Variants in MTUS2 observed in about 807,000 individuals in gnomAD.
The protein encoded by MTUS2 is microtubule associated scaffold protein 2, also known as microtubule-associated tumor suppressor candidate 2.
In MTUS2, 40 loss-of-function variants were observed where a neutral mutation model predicts 114.1. The observed-to-expected ratio is 0.35, with a 90% CI of 0.27 to 0.46. MTUS2 has a LOEUF of 0.46. Among genes scored for constraint, MTUS2 ranks in the 20% least tolerant of loss-of-function variants. The probability of loss-of-function intolerance (pLI) is 1.00; values close to 1 mark genes in which losing one functional copy is unlikely to be tolerated. For missense variants in MTUS2, 1,679 were observed against 1,705.4 expected, an observed-to-expected ratio of 0.98 and a Z score of 0.27; for synonymous variants, 688 against 672.0, an observed-to-expected ratio of 1.02 and a Z score of -0.37.
intron 2 of MTUS2, among the ~76,000 whole-genome samples, chr13:28,882,843 A>G (rs1199680775): frequency 1.3e-5 from 2 of 152,232 alleles, no homozygotes; most frequent in Non-Finnish European, 2.9e-5. Flanking sequence ...TGCTCTAAAA[A>G]GCAAAAAGAG....
intron 9 of MTUS2, among the ~76,000 whole-genome samples, chr13:29,440,670 T>C (rs1044124445): frequency 3.3e-5 from 5 of 152,188 alleles, no homozygotes; most frequent in African/African-American, 1.2e-4. Context: ...CCATCTGTTA[T>C]TCTCTTTCCC....
At chr13:29,022,962 CAA>C (rs1484228193) in intron 2 of MTUS2, among the ~76,000 whole-genome samples, 8 of 152,118 alleles carry the variant, frequency 5.3e-5, no homozygotes, top group African/African-American at 1.9e-4. Flanking sequence ...AGGTATTAGA[CAA>C]TATTTATTTT....
chr13:29,065,937 C>T (rs1888645568), intron 4 of MTUS2, among the ~76,000 whole-genome samples: 1 of 151,972 alleles, frequency 6.6e-6, no homozygotes, highest in Non-Finnish European at 1.5e-5. Flanking sequence ...ACATGCAAAG[C>T]CCCCTGGGTC....
At chr13:29,336,799 C>G (rs1901087698) in intron 7 of MTUS2, among the ~76,000 whole-genome samples, 2 of 152,232 alleles carry the variant, frequency 1.3e-5, no homozygotes, top group African/African-American at 4.8e-5. Flanking sequence ...TATCTATAAG[C>G]CCCTGATTGT....
At chr13:28,888,754 A>G (rs1181242551) in intron 2 of MTUS2, among the ~76,000 whole-genome samples, 1 of 152,076 alleles carries the variant, frequency 6.6e-6, no homozygotes, top group African/African-American at 2.4e-5. Flanking sequence ...GATGCTGTTG[A>G]TTATTATTCT....
Position 29,129,215 on chromosome 13 carries a change from CG to C in MTUS2, c.2644+28247del, listed in dbSNP as rs1284423996. Among the ~76,000 whole-genome samples, 18 of 148,074 alleles carry C rather than the reference CG, an allele frequency of 1.2e-4. No homozygotes were observed. In the East Asian group the frequency reaches 1.8e-3, roughly 14 times the overall value. On this transcript the variant is annotated intron_variant, in intron 5 of 15. Coordinates refer to ENST00000612955, the MANE Select transcript of MTUS2 (RefSeq NM_001033602.4). Reference sequence around the variant, plus strand: ...TTTTTTTTTTTTTTTTTTCCCCATCCGGAATGACATTCCAGATTCAGAAAGG... The same window carrying C: ...TTTTTTTTTTTTTTTTTTCCCCATCCGAATGACATTCCAGATTCAGAAAGG...
intron 8 of MTUS2, among the ~76,000 whole-genome samples, chr13:29,379,521 G>C (rs946016140): frequency 3.3e-5 from 5 of 152,316 alleles, no homozygotes; most frequent in East Asian, 1.9e-4. Context: ...GCTGTGCACT[G>C]TGGCCGTGGT....
chr13:29,336,960 C>T (rs1482915579), intron 7 of MTUS2, among the ~76,000 whole-genome samples: 1 of 152,216 alleles, frequency 6.6e-6, no homozygotes, highest in Non-Finnish European at 1.5e-5. Flanking sequence ...AAACCACCTA[C>T]TCAAGCCTCA....
At chr13:28,824,834 A>C (rs1303964018) in intron 1 of MTUS2, among the ~76,000 whole-genome samples, 2 of 152,228 alleles carry the variant, frequency 1.3e-5, no homozygotes, top group African/African-American at 4.8e-5. Flanking sequence ...AGTACTTAAT[A>C]TATCAGGTAT....
At chr13:29,077,260 G>C (rs888164594) in intron 4 of MTUS2, among the ~76,000 whole-genome samples, 1 of 152,102 alleles carries the variant, frequency 6.6e-6, no homozygotes, top group African/African-American at 2.4e-5. Context: ...AACAGCTGCT[G>C]TTTGTTTATG....
intron 2 of MTUS2, among the ~76,000 whole-genome samples, chr13:28,901,058 C>A (rs1215476755): frequency 6.6e-6 from 1 of 152,116 alleles, no homozygotes. Flanking sequence ...GTTGCTATTT[C>A]CTATTTTTGC....
At chr13:28,871,327 T>C (rs1178760439) in intron 2 of MTUS2, among the ~76,000 whole-genome samples, 2 of 152,224 alleles carry the variant, frequency 1.3e-5, no homozygotes, top group East Asian at 3.8e-4. Flanking sequence ...TGGAAGGTTT[T>C]GACGTGTCCT....
At chr13:29,232,948 A>G (rs1440224524) in intron 5 of MTUS2, among the ~76,000 whole-genome samples, 1 of 152,232 alleles carries the variant, frequency 6.6e-6, no homozygotes, top group African/African-American at 2.4e-5. Context: ...GGGATTTCAC[A>G]GTGAATGTTC....
chr13:29,446,649 G>A (rs931532318), intron 9 of MTUS2, among the ~76,000 whole-genome samples: 1 of 152,188 alleles, frequency 6.6e-6, no homozygotes, highest in African/African-American at 2.4e-5. Context: ...AGCACTGACT[G>A]ATAATTTTGG....
In MTUS2 at chr13:29,139,986, C is replaced by G. The variant is rs1892150364; in HGVS notation, c.2644+39016C>G. Among the ~76,000 whole-genome samples the G allele has an allele frequency of 2.6e-5, 4 of 152,098 alleles. No homozygotes were observed. The South Asian group carries it at 8.3e-4, about 32-fold the overall frequency. On this transcript the variant is annotated intron_variant, in intron 5 of 15. Transcript: ENST00000612955. ...AGCAACGTTTTTGCAAACCTTTAATCGAAACACGAGGTTGTCTTCAGTCGT... is the reference window on the plus strand; with the variant it reads ...AGCAACGTTTTTGCAAACCTTTAATGGAAACACGAGGTTGTCTTCAGTCGT...
intron 2 of MTUS2, among the ~76,000 whole-genome samples, chr13:29,018,325 C>T (rs1593387137): frequency 1.3e-5 from 2 of 152,202 alleles, no homozygotes; most frequent in African/African-American, 4.8e-5. Flanking sequence ...TGGATGGCAC[C>T]GTGGTGGATC....
At chr13:29,290,433 C>T (rs1314372148) in intron 6 of MTUS2, among the ~76,000 whole-genome samples, 1 of 152,042 alleles carries the variant, frequency 6.6e-6, no homozygotes, top group Non-Finnish European at 1.5e-5. Context: ...GGGTTCACGC[C>T]ATTCTCCTGC....
At chr13:28,938,394 T>C (rs1189502276) in intron 2 of MTUS2, among the ~76,000 whole-genome samples, 3 of 148,758 alleles carry the variant, frequency 2.0e-5, no homozygotes, top group African/African-American at 5.0e-5. Flanking sequence ...AAAAAAAAAA[T>C]AGTCTTTTTG....
chr13:28,835,227 TAGG>T (rs1418592738), intron 1 of MTUS2, among the ~76,000 whole-genome samples: 8 of 152,262 alleles, frequency 5.3e-5, no homozygotes, highest in African/African-American at 1.7e-4. Context: ...AATGTGTACA[TAGG>T]AGCCTCAAAC....
Sources: gnomAD v4.1 joint callset for allele counts (sites outside exome capture counted in the v4.1 genomes callset) on GRCh38, gnomAD v4.1.1 for gene constraint, MANE v1.5 for transcripts, NCBI Gene and HGNC (gene_info 2026-07-23, HGNC 2026-07-21) for gene names.